The following GSDMD variants were observed in gnomAD, a reference collection of about 807,000 sequenced individuals.
GSDMD encodes the protein gasdermin-D.
A neutral mutation model predicts 46.7 loss-of-function variants in GSDMD; 46 were observed. That is an observed-to-expected ratio of 0.99 (90% CI 0.78 to 1.26). The LOEUF (loss-of-function observed/expected upper bound fraction) is 1.26, where lower values mean the gene tolerates loss of function less well. Ranked by LOEUF, GSDMD falls within the 50% of genes most tolerant of loss-of-function variation. The probability of loss-of-function intolerance (pLI) is 0.00; values close to 1 mark genes in which losing one functional copy is unlikely to be tolerated. For missense variants in GSDMD, 649 were observed against 638.8 expected (o/e 1.02, Z -0.17); for synonymous variants, 307 against 283.1 (o/e 1.08, Z -0.85).
At chr8:143,554,509 G>T (rs113734681), upstream of GSDMD, among the ~76,000 whole-genome samples, 1 of 144,908 alleles carries the variant, frequency 6.9e-6, no homozygotes, top group African/African-American at 2.6e-5. Context: ...CGCACAATAC[G>T]CACGTGTGTG....
At chr8:143,554,771 A>C (rs1178352226), upstream of GSDMD, among the ~76,000 whole-genome samples, 2 of 151,880 alleles carry the variant, frequency 1.3e-5, no homozygotes, top group Non-Finnish European at 2.9e-5. Context: ...CACAACAGCC[A>C]CACAACATGC....
rs748128925 is a variant in GSDMD at position 143,562,514 on chromosome 8, T to C, written c.1205T>C (p.Leu402Pro). The C allele has an allele frequency of 6.2e-7, 1 of 1,606,974 alleles. No homozygotes were observed. The highest frequency in any genetic ancestry group is 2.2e-5 in the East Asian group (1 of 44,850). Residue 402 changes from leucine (L) to proline (P), a missense_variant, in exon 10 of 11, where the codon CTC (leucine) becomes CCC (proline). Physicochemically the swap from Leu to Pro is moderately conservative, Grantham distance 98. Transcript: ENST00000262580. Reference protein sequence around the residue: ...ALESQTLLGPLELVGSLLEQS... With the variant: ...ALESQTLLGPPELVGSLLEQS... The stretch of plus-strand genomic sequence containing the variant: ...GAGTCGCAGACCCTGTTGGGGCCGC[T>C]CGAGCTGGTGAGAGGGTTGGGTTCG...
chr8:143,562,994 G>T lies in GSDMD; in HGVS notation c.*90G>T. 6.5e-7 allele frequency: 1 copy of T among 1,547,500 alleles called. No individual in the cohort carries two copies. Among genetic ancestry groups the T allele is most frequent in the Admixed American group, 1.8e-5 (1 of 56,376 alleles). On this transcript the variant is annotated 3_prime_UTR_variant, in exon 11 of 11. Transcript: ENST00000262580. ...CCCTAGGAAGGCCAGGAGCCCAGTAGCCATGTGGCCAGTCTACCATGGGGC... is the reference window on the plus strand; with the variant it reads ...CCCTAGGAAGGCCAGGAGCCCAGTATCCATGTGGCCAGTCTACCATGGGGC...
At chr8:143,557,078 T>G (rs951978171), upstream of GSDMD, among the ~76,000 whole-genome samples, 1 of 152,262 alleles carries the variant, frequency 6.6e-6, no homozygotes, top group African/African-American at 2.4e-5. Context: ...ACACATCACG[T>G]GAGCAGGATC....
At chr8:143,554,466 C>G (rs920579739), upstream of GSDMD, among the ~76,000 whole-genome samples, 3 of 151,780 alleles carry the variant, frequency 2.0e-5, no homozygotes, top group African/African-American at 7.3e-5. Flanking sequence ...TGCACACGCG[C>G]ACATGTACAC....
upstream of GSDMD, among the ~76,000 whole-genome samples, chr8:143,554,425 C>G (rs546723650): frequency 6.7e-6 from 1 of 150,192 alleles, no homozygotes; most frequent in African/African-American, 2.5e-5. Flanking sequence ...TATGCACACG[C>G]GCACAAACAT....
At chr8:143,557,291 A>ATGGCAAAGGATGCTGCCGCTT (rs1563902458), upstream of GSDMD, among the ~76,000 whole-genome samples, 542 of 101,884 alleles carry the variant, frequency 5.3e-3, 48 homozygotes, top group East Asian at 0.072. Flanking sequence ...CCTTGCCGCT[A>ATGGCAAAGGATGCTGCCGCTT]TGGCGAAGGA....
At chr8:143,559,307 T>G (rs1303437695) in intron 1 of GSDMD, 25 bp from the exon 2 acceptor site, 4 of 440,486 alleles carry the variant, frequency 9.1e-6, no homozygotes, top group Admixed American at 8.4e-5. Context: ...GAGAGCACAA[T>G]GCCTGACCCA....
chr8:143,555,410 G>C (rs1352317388), upstream of GSDMD, among the ~76,000 whole-genome samples: 2 of 152,230 alleles, frequency 1.3e-5, no homozygotes, highest in Non-Finnish European at 2.9e-5. Context: ...CTGGGCTCAG[G>C]GTTGGGCTGC....
At chr8:143,554,657 CAT>C (rs1453684258), upstream of GSDMD, among the ~76,000 whole-genome samples, 4 of 149,334 alleles carry the variant, frequency 2.7e-5, no homozygotes, top group African/African-American at 9.9e-5. Context: ...CACACACGTG[CAT>C]ACACACGTGC....
Position 143,562,499 on chromosome 8 carries a change from C to A in GSDMD, c.1190C>A (p.Thr397Asn), listed in dbSNP as rs1484421479. ...KLLAEALESQTLLGPLELVGS... is the reference protein window; with the variant it reads ...KLLAEALESQNLLGPLELVGS... The stretch of plus-strand genomic sequence containing the variant: ...CTGGCGGAGGCGCTGGAGTCGCAGA[C>A]CCTGTTGGGGCCGCTCGAGCTGGTG... Residue 397 changes from threonine (T) to asparagine (N), a missense_variant, in exon 10 of 11, where the codon ACC becomes AAC. By Grantham distance (65) the Thr-to-Asn change is moderately conservative. Coordinates refer to ENST00000262580, the MANE Select transcript of GSDMD (RefSeq NM_024736.7). The A allele has an allele frequency of 1.9e-6, 3 of 1,608,360 alleles. No homozygotes were observed. The highest frequency in any genetic ancestry group is 1.7e-6 in the Non-Finnish European group (2 of 1,179,628).
rs142275114 is a variant in GSDMD at position 143,559,442 on chromosome 8, C to T, written c.107C>T (p.Pro36Leu). 6.2e-7 allele frequency: 1 copy of T among 1,612,930 alleles called. No individual in the cohort carries two copies. The highest frequency in any genetic ancestry group is 8.5e-7 in the Non-Finnish European group (1 of 1,179,984). ...TSLQSSTGFQPYCLVVRKPSS... is the reference protein window; with the variant it reads ...TSLQSSTGFQLYCLVVRKPSS... ...CTGCAGAGCTCCACTGGCTTCCAGC[C>T]CTACTGCCTGGTGGTTAGGAAGCCC... Residue 36 changes from proline to leucine, a missense_variant, in exon 2 of 11, where the codon CCC (proline) becomes CTC (leucine). Transcript: ENST00000262580.
At chr8:143,562,554 G>A in intron 10 of GSDMD, 33 bp downstream of exon 10, 1 of 1,601,700 alleles carries the variant, frequency 6.2e-7, no homozygotes, top group Non-Finnish European at 8.5e-7. Context: ...GCAGGAGGAT[G>A]GGCTGAGCCA....
upstream of GSDMD, among the ~76,000 whole-genome samples, chr8:143,554,457 GCA>G (rs1823263983): frequency 6.7e-6 from 1 of 149,418 alleles, no homozygotes; most frequent in Non-Finnish European, 1.5e-5. Context: ...GGACGTGCAT[GCA>G]CACGCGCACA....
At chr8:143,554,936 C>G (rs187199614), upstream of GSDMD, 9 of 152,412 alleles carry the variant, frequency 5.9e-5, no homozygotes, top group Admixed American at 5.9e-4. Flanking sequence ...TACCCCCTGC[C>G]CTAGGTGCCC....
upstream of GSDMD, among the ~76,000 whole-genome samples, chr8:143,555,459 C>G (rs973422338): frequency 3.9e-5 from 6 of 152,216 alleles, no homozygotes; most frequent in African/African-American, 1.2e-4. Flanking sequence ...TCCTCCTTGC[C>G]CAACTCTGCC....
At chr8:143,554,107 G>T (rs1823257022), upstream of GSDMD, among the ~76,000 whole-genome samples, 2 of 152,260 alleles carry the variant, frequency 1.3e-5, no homozygotes, top group African/African-American at 2.4e-5. Flanking sequence ...GCAAAGGAAA[G>T]GAGAAAAGCG....
At chr8:143,559,227 A>C in intron 1 of GSDMD, 105 bp from the exon 2 acceptor site, 1 of 736,902 alleles carries the variant, frequency 1.4e-6, no homozygotes, top group East Asian at 2.7e-5. Context: ...GCTGTTCTGG[A>C]GGGAAGGAGT....
intron 1 of GSDMD, 99 bp downstream of exon 1, chr8:143,558,550 C>G: frequency 8.3e-7 from 1 of 1,209,996 alleles, no homozygotes; most frequent in Non-Finnish European, 1.1e-6. Flanking sequence ...GCTGCCCCAG[C>G]GTTCGCCCAG....
Sources: allele counts gnomAD v4.1 joint callset (sites outside exome capture counted in the v4.1 genomes callset), GRCh38; gene constraint gnomAD v4.1.1; transcripts MANE v1.5; gene names NCBI Gene and HGNC (gene_info 2026-07-23, HGNC 2026-07-21).